RANBP2: variants seen among roughly 807,000 people sequenced by gnomAD.
RANBP2 encodes RAN binding protein 2, also known as E3 SUMO-protein ligase RanBP2.
Under a neutral mutation model 303.6 loss-of-function variants are expected in RANBP2, and 57 were observed. That is an observed-to-expected ratio of 0.19 (90% confidence interval 0.15 to 0.23). The LOEUF is 0.23. RANBP2 is among the 10% of genes least tolerant of loss of function. The pLI, the probability that RANBP2 is intolerant of heterozygous loss-of-function variation, is 1.00. For missense variants in RANBP2, 3,138 were observed against 3,780.8 expected, an observed-to-expected ratio of 0.83 and a Z score of 4.46; for synonymous variants, 1,167 against 1,301.5, an observed-to-expected ratio of 0.90 and a Z score of 2.23.
chr2:109,370,529 G>A, the RANBP2 span, among the ~76,000 whole-genome samples: 22 of 152,026 alleles, frequency 1.4e-4, 1 homozygote, highest in African/African-American at 3.1e-4. Context: ...ATGAGCCACC[G>A]CGCCCGGCCA....
the RANBP2 span, among the ~76,000 whole-genome samples, chr2:109,425,266 C>G: frequency 6.6e-6 from 1 of 152,228 alleles, no homozygotes; most frequent in Non-Finnish European, 1.5e-5. Flanking sequence ...GAAGCCATCT[C>G]TGCAACATAA....
At chr2:109,475,211 T>G in the RANBP2 span, among the ~76,000 whole-genome samples, 1 of 152,094 alleles carries the variant, frequency 6.6e-6, no homozygotes, top group Non-Finnish European at 1.5e-5. Flanking sequence ...TCTCTTGACC[T>G]CGTGATCCAC....
chr2:109,377,416 G>A, the RANBP2 span, among the ~76,000 whole-genome samples: 1 of 152,166 alleles, frequency 6.6e-6, no homozygotes, highest in Non-Finnish European at 1.5e-5. Flanking sequence ...GTCAGTGGCT[G>A]TGGTAGGATA....
the RANBP2 span, among the ~76,000 whole-genome samples, chr2:109,507,525 TCTC>T: frequency 6.6e-6 from 1 of 152,144 alleles, no homozygotes; most frequent in Non-Finnish European, 1.5e-5. Flanking sequence ...CTCTCTGTGC[TCTC>T]CTCCAGCACC....
At chr2:109,192,655 T>C in the RANBP2 span, among the ~76,000 whole-genome samples, 1 of 152,186 alleles carries the variant, frequency 6.6e-6, no homozygotes, top group Non-Finnish European at 1.5e-5. Flanking sequence ...CAAATAGGCC[T>C]TCCAACTGCA....
chr2:109,431,571 G>T, the RANBP2 span, among the ~76,000 whole-genome samples: 1 of 152,184 alleles, frequency 6.6e-6, no homozygotes, highest in Non-Finnish European at 1.5e-5. Flanking sequence ...CACTAAATTT[G>T]CTCTTTCCTT....
chr2:109,244,537 T>A, the RANBP2 span, among the ~76,000 whole-genome samples: 2 of 152,154 alleles, frequency 1.3e-5, no homozygotes, highest in Non-Finnish European at 2.9e-5. Context: ...CCTAAGCTGT[T>A]TGGAACTGTT....
intron 9 of RANBP2, among the ~76,000 whole-genome samples, chr2:108,750,834 T>C (rs1424354852): frequency 6.6e-6 from 1 of 152,200 alleles, no homozygotes; most frequent in Non-Finnish European, 1.5e-5. Flanking sequence ...CAGAACCTTT[T>C]CAATATTGAC....
the RANBP2 span, chr2:108,856,922 C>T: frequency 4.3e-6 from 7 of 1,612,666 alleles, no homozygotes; most frequent in African/African-American, 1.3e-5. Context: ...CAGTAAAGGA[C>T]TCCTGTCTAA....
chr2:109,642,275 C>T, the RANBP2 span, among the ~76,000 whole-genome samples: 2 of 152,130 alleles, frequency 1.3e-5, no homozygotes, highest in Admixed American at 6.6e-5. Flanking sequence ...CATCTTTTTC[C>T]TCCCAAGCTT....
the RANBP2 span, among the ~76,000 whole-genome samples, chr2:109,317,472 C>T: frequency 6.6e-6 from 1 of 152,066 alleles, no homozygotes; most frequent in Non-Finnish European, 1.5e-5. Flanking sequence ...CCTGCTCTTC[C>T]CCTGGGTCTG....
chr2:109,490,769 C>G, the RANBP2 span: 2 of 1,536,558 alleles, frequency 1.3e-6, no homozygotes, highest in East Asian at 4.9e-5. Context: ...CCATCCACGG[C>G]AGGGCAGGGT....
At chr2:109,379,832 G>T in the RANBP2 span, among the ~76,000 whole-genome samples, 9 of 152,122 alleles carry the variant, frequency 5.9e-5, no homozygotes, top group Non-Finnish European at 1.0e-4. Context: ...GCGAGGACCA[G>T]AAGGCAGGGA....
rs768933666 is a variant in RANBP2 at position 108,771,878 on chromosome 2, CTT to C, written c.8020+10_8020+11del. On this transcript the variant is annotated splice_region_variant and intron_variant, in intron 21 of 28. Coordinates refer to ENST00000283195, the MANE Select transcript of RANBP2 (RefSeq NM_006267.5). ...AGTGAAGAAGAGGAGGATGGTAAAA[CTT>C]TTGTTATTTCAAAAATCCTCTGTTC... 59 of 1,613,792 alleles carry C rather than the reference CTT, an allele frequency of 3.7e-5. 1 individual carries two copies. The highest frequency in any genetic ancestry group is 3.3e-4 in the Middle Eastern group (2 of 6,080).
At chr2:108,907,234 GGTTA>G in the RANBP2 span, among the ~76,000 whole-genome samples, 1 of 152,172 alleles carries the variant, frequency 6.6e-6, no homozygotes. Flanking sequence ...AAAATTGTCT[GGTTA>G]GATAAAACCC....
chr2:109,544,272 TTGTGA>T, the RANBP2 span: 11 of 1,612,872 alleles, frequency 6.8e-6, no homozygotes, highest in South Asian at 1.2e-4. Flanking sequence ...TAAAGTTTGC[TTGTGA>T]TGATGACCTT....
the RANBP2 span, among the ~76,000 whole-genome samples, chr2:109,215,605 G>A: frequency 1.3e-5 from 2 of 152,112 alleles, no homozygotes. Context: ...TCTCTGGGTA[G>A]AGTTCTTCCT....
intron 1 of RANBP2, among the ~76,000 whole-genome samples, chr2:108,721,532 C>T (rs186026071): frequency 4.0e-4 from 61 of 152,250 alleles, no homozygotes; most frequent in African/African-American, 1.4e-3. Context: ...CTTCCGCCTC[C>T]CCAGCTCAAG....
chr2:108,999,795 G>A, the RANBP2 span, among the ~76,000 whole-genome samples: 2 of 152,154 alleles, frequency 1.3e-5, no homozygotes, highest in African/African-American at 4.8e-5. Flanking sequence ...AAAACATGGC[G>A]GGAGGAGGCA....
Sources: allele counts gnomAD v4.1 joint callset (sites outside exome capture counted in the v4.1 genomes callset), GRCh38; gene constraint gnomAD v4.1.1; transcripts MANE v1.5; gene names NCBI Gene and HGNC (gene_info 2026-07-23, HGNC 2026-07-21).